Variants in PPHLN1 observed in about 807,000 individuals in gnomAD.
PPHLN1 encodes periphilin-1.
PPHLN1 carries 29 observed loss-of-function variants against 51.3 expected under a neutral mutation model. The ratio of observed to expected loss-of-function variants is 0.57; its 90% confidence interval spans 0.42 to 0.77. The LOEUF is 0.77. Ranked by LOEUF, PPHLN1 falls within the 30% of genes least tolerant of loss-of-function variation. The pLI is 0.00. For missense variants in PPHLN1, 436 were observed against 438.4 expected (o/e 0.99, Z 0.05); for synonymous variants, 147 against 147.8 (o/e 0.99, Z 0.04).
At chr12:42,343,958 AGGG>A (rs2071885425) in intron 2 of PPHLN1, 2 of 395,556 alleles carry the variant, frequency 5.1e-6, no homozygotes, top group African/African-American at 2.2e-5. Flanking sequence ...CATAGACTAT[AGGG>A]ATCAGAGTTA....
In PPHLN1 at chr12:42,441,819, C is replaced by T; in HGVS notation, c.*310C>T. 9.3e-7 allele frequency: 1 copy of T among 1,078,396 alleles called. No homozygotes were observed. Among genetic ancestry groups the T allele is most frequent in the Non-Finnish European group, 1.1e-6 (1 of 891,098 alleles). 66.8% of individuals were successfully genotyped at this position (1,078,396 alleles called of 1,614,324 possible). A position where few individuals can be genotyped will look rare whatever the true frequency, so the allele number is the denominator to read the frequency against. ...ACAGGCGTGAGCCACCGCTCCCTGC[C>T]CAACACATATACCATCTGAAAATGT... On this transcript the variant is annotated 3_prime_UTR_variant, in exon 10 of 10. Coordinates refer to ENST00000358314, the MANE Select transcript of PPHLN1 (RefSeq NM_201439.2).
chr12:42,445,084 C>T (rs142196692), downstream of PPHLN1: 7,285 of 702,308 alleles, frequency 0.01, 195 homozygotes, highest in East Asian at 0.083. Flanking sequence ...ACTCTCGAGC[C>T]GGCCCTGTGT....
At chr12:42,431,496 G>A (rs1200475320) in intron 9 of PPHLN1, among the ~76,000 whole-genome samples, 1 of 152,124 alleles carries the variant, frequency 6.6e-6, no homozygotes. Flanking sequence ...AGGTGTCAAA[G>A]TATGTTTAAC....
intron 9 of PPHLN1, among the ~76,000 whole-genome samples, chr12:42,438,199 G>C (rs1460742932): frequency 6.6e-6 from 1 of 152,172 alleles, no homozygotes; most frequent in Non-Finnish European, 1.5e-5. Context: ...CAGTGGGATT[G>C]CTGGATTGTA....
intron 7 of PPHLN1, among the ~76,000 whole-genome samples, chr12:42,388,529 C>T (rs1669904): frequency 0.61 from 92,639 of 151,936 alleles, 28,404 homozygotes; most frequent in Admixed American, 0.67. Flanking sequence ...GTGAAAATAA[C>T]AATAAAAACT....
chr12:42,412,384 G>A (rs2079950203), intron 9 of PPHLN1, among the ~76,000 whole-genome samples: 1 of 151,726 alleles, frequency 6.6e-6, no homozygotes, highest in Non-Finnish European at 1.5e-5. Flanking sequence ...TAGAGTATTG[G>A]CTTCCAGCTC....
At chr12:42,398,662 T>A (rs200122436) in intron 8 of PPHLN1, 192 bp from the exon 9 acceptor site, 3 of 418,546 alleles carry the variant, frequency 7.2e-6, no homozygotes, top group Admixed American at 8.2e-5. Context: ...AAAAAAAAAG[T>A]AGCAGTCATT....
chr12:42,444,597 A>G (rs2083194153), downstream of PPHLN1: 1 of 155,328 alleles, frequency 6.4e-6, no homozygotes, highest in African/African-American at 2.4e-5. Flanking sequence ...CCAGCTAGTT[A>G]GTAAAGTCAT....
At chr12:42,439,783 C>A (rs1207893437) in intron 9 of PPHLN1, among the ~76,000 whole-genome samples, 1 of 152,182 alleles carries the variant, frequency 6.6e-6, no homozygotes, top group East Asian at 1.9e-4. Context: ...CCTCAGCCTC[C>A]CAAAGTGCTG....
chr12:42,431,919 A>T lies in PPHLN1; in HGVS notation c.910-9396A>T, dbSNP rs969146553. On this transcript the variant is annotated intron_variant, in intron 9 of 9. Coordinates refer to ENST00000358314, the MANE Select transcript of PPHLN1 (RefSeq NM_201439.2). ...CAGCATCTTCATCAGTCCTTCGTCTACGAGACCTCGTATGACGATTAGTAC... is the reference window on the plus strand; with the variant it reads ...CAGCATCTTCATCAGTCCTTCGTCTTCGAGACCTCGTATGACGATTAGTAC... 4.5e-6 allele frequency: 7 copies of T among 1,568,532 alleles called. No homozygotes were observed. The South Asian group carries it at 5.5e-5, about 12-fold the overall frequency.
intron 2 of PPHLN1, among the ~76,000 whole-genome samples, chr12:42,348,039 G>A (rs544783099): frequency 1.3e-5 from 2 of 152,050 alleles, no homozygotes; most frequent in South Asian, 4.2e-4. Context: ...TACCAACTTG[G>A]TCTTTATAGC....
At chr12:42,365,654 G>T (rs1293450521) in intron 4 of PPHLN1, among the ~76,000 whole-genome samples, 1 of 152,202 alleles carries the variant, frequency 6.6e-6, no homozygotes, top group African/African-American at 2.4e-5. Flanking sequence ...TTGAGAGACA[G>T]TGCCTTATGG....
At chr12:42,363,331 TA>T (rs11443075) in intron 4 of PPHLN1, among the ~76,000 whole-genome samples, 42,800 of 151,134 alleles carry the variant, frequency 0.28, 7,410 homozygotes, top group Non-Finnish European at 0.38. Flanking sequence ...TTAATTAATT[TA>T]AAAAAAAATT....
Position 42,436,502 on chromosome 12 carries a change from T to C in PPHLN1, c.910-4813T>C, listed in dbSNP as rs199996187. ...CTGGTTGTCTCATGAGTGCCTCAAG[T>C]GACTACTTAGTACTGAACTTATCTC... On this transcript the variant is annotated intron_variant, in intron 9 of 9. Transcript: ENST00000358314. Among the ~76,000 whole-genome samples, 174 of 152,332 alleles carry C rather than the reference T, an allele frequency of 1.1e-3. 1 individual carries two copies. The South Asian group carries it at 0.029, about 26-fold the overall frequency.
chr12:42,409,701 T>TC (rs1452826410), intron 9 of PPHLN1, among the ~76,000 whole-genome samples: 1 of 152,162 alleles, frequency 6.6e-6, no homozygotes, highest in East Asian at 1.9e-4. Context: ...GGTTTTTTTT[T>TC]CTGAACATTG....
intron 4 of PPHLN1, among the ~76,000 whole-genome samples, chr12:42,367,088 G>T (rs1459253426): frequency 1.3e-5 from 2 of 152,024 alleles, no homozygotes; most frequent in Non-Finnish European, 2.9e-5. Flanking sequence ...ATTAACTGTT[G>T]AACATAGTTT....
intron 9 of PPHLN1, among the ~76,000 whole-genome samples, chr12:42,433,609 A>G (rs1055919524): frequency 9.9e-5 from 15 of 152,238 alleles, no homozygotes; most frequent in Non-Finnish European, 2.1e-4. Context: ...GGCGTGAGCC[A>G]CCGCACCCGG....
chr12:42,420,094 A>G (rs1321623601), intron 9 of PPHLN1, among the ~76,000 whole-genome samples: 1 of 152,240 alleles, frequency 6.6e-6, no homozygotes, highest in Non-Finnish European at 1.5e-5. Flanking sequence ...CAATTGAGCT[A>G]TATGGGGTAA....
intron 9 of PPHLN1, among the ~76,000 whole-genome samples, chr12:42,429,536 A>G (rs1462282028): frequency 6.6e-6 from 1 of 152,152 alleles, no homozygotes; most frequent in Non-Finnish European, 1.5e-5. Flanking sequence ...AACTCCCATG[A>G]TCTTTTATTT....
Sources: gnomAD v4.1 joint callset for allele counts (sites outside exome capture counted in the v4.1 genomes callset) on GRCh38, gnomAD v4.1.1 for gene constraint, MANE v1.5 for transcripts, NCBI Gene and HGNC (gene_info 2026-07-23, HGNC 2026-07-21) for gene names.